GRM5: variants seen among roughly 807,000 people sequenced by gnomAD.
GRM5 encodes metabotropic glutamate receptor 5.
In GRM5, 19 loss-of-function variants were observed where a neutral mutation model predicts 83.1. That is an observed-to-expected ratio of 0.23 (90% CI 0.16 to 0.34). The LOEUF is 0.34. Ranked by LOEUF, GRM5 falls within the 10% of genes least tolerant of loss-of-function variation. GRM5 has a pLI of 1.00. For synonymous variants in GRM5, 675 were observed against 633.6 expected (o/e 1.07, Z -0.98); for missense variants, 1,160 against 1,588.3 (o/e 0.73, Z 4.58).
chr11:88,816,912 T>A (rs1045202071), intron 3 of GRM5, among the ~76,000 whole-genome samples: 6 of 152,176 alleles, frequency 3.9e-5, no homozygotes, highest in Admixed American at 1.3e-4. Flanking sequence ...AGTTCCTTCA[T>A]AATTAATTCT....
intron 2 of GRM5, among the ~76,000 whole-genome samples, chr11:88,918,518 A>G (rs913224927): frequency 6.6e-6 from 1 of 152,068 alleles, no homozygotes; most frequent in African/African-American, 2.4e-5. Flanking sequence ...ATCTGAAAGA[A>G]AAGGACATTA....
chr11:88,966,478 T>C (rs569702689), intron 2 of GRM5, among the ~76,000 whole-genome samples: 2 of 152,160 alleles, frequency 1.3e-5, no homozygotes, highest in Non-Finnish European at 2.9e-5. Flanking sequence ...AAGACATAAA[T>C]ACCAATATCA....
intron 2 of GRM5, among the ~76,000 whole-genome samples, chr11:88,877,245 T>C (rs1448703053): frequency 6.6e-6 from 1 of 152,134 alleles, no homozygotes; most frequent in Non-Finnish European, 1.5e-5. Context: ...GTGAATAATA[T>C]GCTAATTACC....
chr11:88,882,971 C>T (rs563007957), intron 2 of GRM5, among the ~76,000 whole-genome samples: 9 of 152,248 alleles, frequency 5.9e-5, no homozygotes, highest in South Asian at 2.1e-4. Flanking sequence ...CCTGCCAACA[C>T]GTAAGACATG....
At chr11:88,880,702 A>G (rs1944936885) in intron 2 of GRM5, among the ~76,000 whole-genome samples, 1 of 152,182 alleles carries the variant, frequency 6.6e-6, no homozygotes, top group African/African-American at 2.4e-5. Context: ...AAAATTTGTT[A>G]TCCTATCGGG....
intron 3 of GRM5, among the ~76,000 whole-genome samples, chr11:88,709,801 TATATCTG>T (rs1161539177): frequency 5.3e-5 from 8 of 152,130 alleles, no homozygotes; most frequent in Non-Finnish European, 7.4e-5. Context: ...AATGCCCCAT[TATATCTG>T]AGTGTCTGAA....
intron 3 of GRM5, among the ~76,000 whole-genome samples, chr11:88,693,098 A>C (rs1940818045): frequency 6.6e-6 from 1 of 152,142 alleles, no homozygotes; most frequent in African/African-American, 2.4e-5. Context: ...AAAAAGTTTA[A>C]AGCTATACAC....
chr11:88,582,570 C>T (rs1943233526), intron 7 of GRM5, among the ~76,000 whole-genome samples: 1 of 152,134 alleles, frequency 6.6e-6, no homozygotes, highest in Non-Finnish European at 1.5e-5. Flanking sequence ...AAAGCTATTC[C>T]AGTTTCAATA....
chr11:88,653,525 A>G, intron 3 of GRM5, 122 bp from the exon 4 acceptor site: 2 of 618,374 alleles, frequency 3.2e-6, no homozygotes, highest in Non-Finnish European at 5.7e-6. Flanking sequence ...TGATGGTCCT[A>G]TATTACACCG....
intron 2 of GRM5, chr11:88,925,892 G>C: frequency 3.2e-6 from 1 of 316,828 alleles, no homozygotes. Flanking sequence ...CTGGGTGACA[G>C]AGCAACACTC....
At chr11:88,842,435 A>T (rs2135531866) in intron 3 of GRM5, among the ~76,000 whole-genome samples, 1 of 152,144 alleles carries the variant, frequency 6.6e-6, no homozygotes, top group Non-Finnish European at 1.5e-5. Context: ...CTCACCATCT[A>T]CTCACTTCTT....
chr11:88,992,704 C>CA (rs1317883859), intron 2 of GRM5, among the ~76,000 whole-genome samples: 11 of 151,784 alleles, frequency 7.2e-5, no homozygotes, highest in African/African-American at 2.7e-4. Flanking sequence ...ATGATGAGTT[C>CA]ATGTCCTTTG....
At chr11:88,831,637 C>T (rs1447881404) in intron 3 of GRM5, among the ~76,000 whole-genome samples, 2 of 152,194 alleles carry the variant, frequency 1.3e-5, no homozygotes, top group Non-Finnish European at 2.9e-5. Flanking sequence ...CCATCCACCA[C>T]CTCTCATGGT....
intron 2 of GRM5, among the ~76,000 whole-genome samples, chr11:89,018,771 GGATA>G (rs1390694134): frequency 2.6e-5 from 4 of 151,924 alleles, no homozygotes; most frequent in Admixed American, 2.0e-4. Context: ...GAATTTTGAA[GGATA>G]AATAAGAAAA....
chr11:88,588,026 G>C (rs962130174), intron 7 of GRM5, among the ~76,000 whole-genome samples: 1 of 152,124 alleles, frequency 6.6e-6, no homozygotes, highest in African/African-American at 2.4e-5. Context: ...TCTCCTACAT[G>C]AGCAAGGAAA....
At chr11:88,987,166 C>A (rs999043060) in intron 2 of GRM5, among the ~76,000 whole-genome samples, 1 of 152,062 alleles carries the variant, frequency 6.6e-6, no homozygotes, top group Non-Finnish European at 1.5e-5. Context: ...CGTGCACAAG[C>A]CGAAGCAGGG....
chr11:88,592,972 C>T (rs116225565), intron 6 of GRM5, among the ~76,000 whole-genome samples: 46 of 152,194 alleles, frequency 3.0e-4, no homozygotes, highest in African/African-American at 1.1e-3. Flanking sequence ...TGCCACCATG[C>T]CCAATTATTT....
intron 2 of GRM5, among the ~76,000 whole-genome samples, chr11:88,915,976 A>G (rs1422439040): frequency 1.3e-5 from 2 of 152,208 alleles, no homozygotes; most frequent in Non-Finnish European, 1.5e-5. Flanking sequence ...TAGTCAAACA[A>G]TCCTGAAAGG....
intron 2 of GRM5, among the ~76,000 whole-genome samples, chr11:88,954,050 A>G (rs1938538919): frequency 6.6e-6 from 1 of 152,208 alleles, no homozygotes; most frequent in Admixed American, 6.5e-5. Flanking sequence ...TGTTCAAAGA[A>G]TGGTTATCAA....
Sources: gnomAD v4.1 joint callset for allele counts (sites outside exome capture counted in the v4.1 genomes callset) on GRCh38, gnomAD v4.1.1 for gene constraint, MANE v1.5 for transcripts, NCBI Gene and HGNC (gene_info 2026-07-23, HGNC 2026-07-21) for gene names.